The following AOPEP variants were observed in gnomAD, a reference collection of about 807,000 sequenced individuals.
AOPEP encodes aminopeptidase O.
Under a neutral mutation model 98.1 loss-of-function variants are expected in AOPEP, and 77 were observed. The observed-to-expected ratio is 0.78, with a 90% confidence interval of 0.65 to 0.95. The LOEUF is 0.95. Ranked by LOEUF, AOPEP falls within the 40% of genes least tolerant of loss-of-function variation. The probability of loss-of-function intolerance (pLI) is 0.00; values close to 1 mark genes in which losing one functional copy is unlikely to be tolerated. For synonymous variants in AOPEP, 346 were observed against 365.3 expected, an observed-to-expected ratio of 0.95 and a Z score of 0.60; for missense variants, 1,024 against 1,024.7, an observed-to-expected ratio of 1.00 and a Z score of 0.01.
chr9:95,129,758 T>C, the AOPEP span, among the ~76,000 whole-genome samples: 2 of 151,950 alleles, frequency 1.3e-5, no homozygotes, highest in Non-Finnish European at 2.9e-5. Context: ...ATAACATGAG[T>C]CTTGTCCTTC....
intron 11 of AOPEP, among the ~76,000 whole-genome samples, chr9:94,982,564 A>AATTTTTTTTT (rs1564480333): frequency 2.1e-5 from 3 of 140,118 alleles, no homozygotes; most frequent in African/African-American, 8.6e-5. Context: ...CAAGAGCAAT[A>AATTTTTTTTT]CTTTTTTTTT....
intron 2 of AOPEP, among the ~76,000 whole-genome samples, chr9:94,762,597 G>A (rs1342354006): frequency 6.6e-6 from 1 of 152,166 alleles, no homozygotes; most frequent in Non-Finnish European, 1.5e-5. Context: ...TTGGAAGTTT[G>A]GGAATATGTG....
chr9:94,844,342 A>G (rs2042605185), intron 5 of AOPEP, among the ~76,000 whole-genome samples: 1 of 152,184 alleles, frequency 6.6e-6, no homozygotes, highest in African/African-American at 2.4e-5. Context: ...AAAAAATCCA[A>G]TTACTTTGAA....
At chr9:95,054,144 A>G (rs1450993642) in intron 13 of AOPEP, among the ~76,000 whole-genome samples, 2 of 152,256 alleles carry the variant, frequency 1.3e-5, no homozygotes, top group Non-Finnish European at 2.9e-5. Context: ...TATATTGAAC[A>G]TGCCATTGTT....
intron 10 of AOPEP, among the ~76,000 whole-genome samples, chr9:94,968,982 G>A (rs538116474): frequency 6.6e-6 from 1 of 152,174 alleles, no homozygotes; most frequent in East Asian, 1.9e-4. Flanking sequence ...TTTTTATCCC[G>A]ATAATACCAA....
chr9:95,005,463 G>A (rs756094682), intron 12 of AOPEP, 79 bp from the exon 13 acceptor site: 117 of 1,367,252 alleles, frequency 8.6e-5, no homozygotes, highest in Non-Finnish European at 1.1e-4. Flanking sequence ...GAGGCCGGGG[G>A]TCTCTGCTTT....
intron 5 of AOPEP, among the ~76,000 whole-genome samples, chr9:94,869,027 G>A (rs1426062559): frequency 6.6e-6 from 1 of 152,074 alleles, no homozygotes; most frequent in Admixed American, 6.5e-5. Flanking sequence ...TCAGGAGTTC[G>A]AGACCAGCCT....
chr9:94,798,775 G>A (rs1847598559), intron 4 of AOPEP, among the ~76,000 whole-genome samples: 2 of 152,174 alleles, frequency 1.3e-5, no homozygotes, highest in Non-Finnish European at 1.5e-5. Context: ...AGATACTGTG[G>A]TGGTTAATTT....
At chr9:94,905,782 G>T (rs994582815) in intron 5 of AOPEP, among the ~76,000 whole-genome samples, 1 of 151,878 alleles carries the variant, frequency 6.6e-6, no homozygotes, top group African/African-American at 2.4e-5. Flanking sequence ...ATGATCAGAT[G>T]ATAACACCCA....
At chr9:95,070,817 T>G (rs1587904224) in intron 14 of AOPEP, among the ~76,000 whole-genome samples, 1 of 152,118 alleles carries the variant, frequency 6.6e-6, no homozygotes, top group Admixed American at 6.5e-5. Flanking sequence ...GCTGCAGAGG[T>G]GAACTAGGAG....
chr9:94,727,557 A>G (rs1358464778), intron 1 of AOPEP, among the ~76,000 whole-genome samples: 3 of 152,226 alleles, frequency 2.0e-5, no homozygotes, highest in Admixed American at 2.0e-4. Flanking sequence ...GTTGATAAAG[A>G]AATAATATGG....
chr9:94,784,060 A>C (rs1330185968), intron 3 of AOPEP, among the ~76,000 whole-genome samples: 2 of 152,238 alleles, frequency 1.3e-5, no homozygotes, highest in Non-Finnish European at 2.9e-5. Context: ...GATGGTTTTC[A>C]TAGGAAGAAT....
At position 94,753,422 on chromosome 9, in the gene AOPEP, GT is replaced by G. The variant is rs1836276312; in HGVS notation, c.-135-6226del. Among the ~76,000 whole-genome samples, 9 of 152,264 alleles carry G rather than the reference GT, an allele frequency of 5.9e-5. No individual in the cohort carries two copies. The South Asian group carries it at 1.9e-3, about 32-fold the overall frequency. ...AAGACTGGTTATAAAACTTTCTAAG[GT>G]CCTTATATTGTTTGGAAGGTTATTC... On this transcript the variant is annotated intron_variant, in intron 1 of 16. Coordinates refer to ENST00000375315, the MANE Select transcript of AOPEP (RefSeq NM_001193329.3).
chr9:94,741,075 G>A (rs570455296), intron 1 of AOPEP, among the ~76,000 whole-genome samples: 2 of 152,180 alleles, frequency 1.3e-5, no homozygotes, highest in African/African-American at 4.8e-5. Context: ...TCTCTGTTGG[G>A]TTGGGGTGGA....
chr9:94,923,478 C>T (rs2053892337), intron 5 of AOPEP, among the ~76,000 whole-genome samples: 1 of 152,230 alleles, frequency 6.6e-6, no homozygotes, highest in Non-Finnish European at 1.5e-5. Context: ...CGTTTGTTAA[C>T]ATCATAGCCA....
intron 5 of AOPEP, among the ~76,000 whole-genome samples, chr9:94,814,023 A>G (rs1851196112): frequency 6.6e-6 from 1 of 152,204 alleles, no homozygotes; most frequent in African/African-American, 2.4e-5. Context: ...TTCTATCTCT[A>G]TGGGTTTCTG....
In AOPEP at chr9:94,928,509, C is replaced by T. The variant is rs1321410809; in HGVS notation, c.1639C>T (p.Pro547Ser). The stretch of plus-strand genomic sequence containing the variant: ...CCTCCAGGACGAGATGCAATGCTCC[C>T]CCGAGGAGATGCAGGTGTTAAGGTA... ...RRLQDEMQCS[P>S]EEMQVLRPSK... The change falls in exon 7 of 17, where the codon CCC (proline) becomes TCC (serine). Residue 547 changes from proline to serine, a missense_variant. Pro to Ser is a moderately conservative substitution (Grantham distance 74). Transcript: ENST00000375315. The T allele has an allele frequency of 3.9e-6, 6 of 1,550,646 alleles. No individual in the cohort carries two copies. Among genetic ancestry groups the T allele is most frequent in the Non-Finnish European group, 5.2e-6 (6 of 1,146,978 alleles).
intron 10 of AOPEP, among the ~76,000 whole-genome samples, chr9:94,975,006 G>C (rs1262851098): frequency 6.6e-6 from 1 of 152,146 alleles, no homozygotes; most frequent in Admixed American, 6.5e-5. Context: ...GGGAGGCTGG[G>C]ATCATTTGAG....
At chr9:94,943,326 G>T (rs751128453) in intron 7 of AOPEP, among the ~76,000 whole-genome samples, 3 of 152,242 alleles carry the variant, frequency 2.0e-5, no homozygotes, top group Admixed American at 6.5e-5. Flanking sequence ...GGGCATGGTG[G>T]CTCACGCCTG....
Sources: allele counts gnomAD v4.1 joint callset (sites outside exome capture counted in the v4.1 genomes callset), GRCh38; gene constraint gnomAD v4.1.1; transcripts MANE v1.5; gene names NCBI Gene and HGNC (gene_info 2026-07-23, HGNC 2026-07-21).